Variants in PVT1 observed in about 807,000 individuals in gnomAD.
The protein encoded by PVT1 is CXCR4/PVT1 fusion.
chr8:127,868,541 C>T (rs1815310324), intron 2 of PVT1, among the ~76,000 whole-genome samples: 1 of 151,530 alleles, frequency 6.6e-6, no homozygotes, highest in African/African-American at 2.4e-5. Flanking sequence ...GTGCATGCCA[C>T]CACACCCAGC....
At chr8:127,847,455 C>A (rs1370430337) in intron 2 of PVT1, among the ~76,000 whole-genome samples, 2 of 152,184 alleles carry the variant, frequency 1.3e-5, no homozygotes, top group Non-Finnish European at 2.9e-5. Flanking sequence ...ACCTGGCCAT[C>A]TCATGTTGGG....
At chr8:128,063,553 G>GACAC (rs150359865) in intron 4 of PVT1, among the ~76,000 whole-genome samples, 12 of 151,052 alleles carry the variant, frequency 7.9e-5, no homozygotes, top group African/African-American at 2.7e-4. Context: ...GTGTGTGCCA[G>GACAC]ACACACACAC....
At chr8:128,045,015 C>T (rs1423225810) in intron 4 of PVT1, among the ~76,000 whole-genome samples, 1 of 152,216 alleles carries the variant, frequency 6.6e-6, no homozygotes, top group Non-Finnish European at 1.5e-5. Context: ...GTTGGGGCCA[C>T]TCTGGCCAGT....
At chr8:127,796,438 T>G in intron 2 of PVT1, among the ~76,000 whole-genome samples, 1 of 152,182 alleles carries the variant, frequency 6.6e-6, no homozygotes, top group East Asian at 1.9e-4. Flanking sequence ...TGGTGAATTC[T>G]CACTGCCCAC....
At chr8:128,083,701 A>G (rs1362592927) in intron 5 of PVT1, among the ~76,000 whole-genome samples, 1 of 152,208 alleles carries the variant, frequency 6.6e-6, no homozygotes, top group Non-Finnish European at 1.5e-5. Context: ...GACTCTCCTC[A>G]TACCTTTTTT....
chr8:127,911,155 T>C (rs1198198308), intron 3 of PVT1, among the ~76,000 whole-genome samples: 1 of 151,744 alleles, frequency 6.6e-6, no homozygotes, highest in Non-Finnish European at 1.5e-5. Flanking sequence ...TCAGAGGAGG[T>C]CAGACAGGTG....
chr8:127,880,305 C>T (rs4733801), intron 2 of PVT1, among the ~76,000 whole-genome samples: 104,165 of 151,518 alleles, frequency 0.69, 36,389 homozygotes, highest in East Asian at 0.84. Flanking sequence ...TTCCTTTTTT[C>T]TTTGAGACGG....
chr8:127,916,635 T>G (rs1815988755), intron 3 of PVT1, among the ~76,000 whole-genome samples: 1 of 152,186 alleles, frequency 6.6e-6, no homozygotes, highest in Non-Finnish European at 1.5e-5. Flanking sequence ...TAGGAATTAT[T>G]CCCGGAAGAT....
chr8:127,960,461 A>C (rs1191004337), intron 3 of PVT1, among the ~76,000 whole-genome samples: 1 of 152,126 alleles, frequency 6.6e-6, no homozygotes, highest in Non-Finnish European at 1.5e-5. Flanking sequence ...GCCCAGAATA[A>C]AAGGATCACC....
At chr8:127,836,906 A>G (rs184342327) in intron 2 of PVT1, among the ~76,000 whole-genome samples, 87 of 151,728 alleles carry the variant, frequency 5.7e-4, no homozygotes, top group African/African-American at 2.0e-3. Context: ...TCTGTTTTCA[A>G]ACTCCCCATT....
intron 2 of PVT1, among the ~76,000 whole-genome samples, chr8:127,808,000 C>T (rs1815339944): frequency 6.6e-6 from 1 of 151,858 alleles, no homozygotes; most frequent in African/African-American, 2.4e-5. Context: ...GATCTCCTGA[C>T]CTCATGAGCC....
intron 2 of PVT1, among the ~76,000 whole-genome samples, chr8:127,859,589 C>T (rs1417787053): frequency 2.0e-5 from 3 of 152,108 alleles, no homozygotes; most frequent in African/African-American, 7.2e-5. Context: ...ACTATTCACA[C>T]AGGTCTGACT....
intron 2 of PVT1, among the ~76,000 whole-genome samples, chr8:127,849,686 TGTACATATGTGTGTGTGTGCCCCTGC>T (rs1815082603): frequency 6.9e-6 from 1 of 145,312 alleles, no homozygotes; most frequent in African/African-American, 2.6e-5. Context: ...GTGCACAGCC[TGTACATATGTGTGTGTGTGCCCCTGC>T]GTGCACGTGC....
At chr8:128,041,377 G>A (rs1813536578) in intron 4 of PVT1, among the ~76,000 whole-genome samples, 1 of 149,272 alleles carries the variant, frequency 6.7e-6, no homozygotes, top group African/African-American at 2.5e-5. Flanking sequence ...TTGTGTTTGT[G>A]TGCATATGTG....
chr8:128,031,365 G>A (rs575809617), intron 4 of PVT1, among the ~76,000 whole-genome samples: 4 of 152,212 alleles, frequency 2.6e-5, no homozygotes, highest in Admixed American at 6.5e-5. Context: ...AAGTGAAAGC[G>A]ACCCAGGAAA....
intron 2 of PVT1, among the ~76,000 whole-genome samples, chr8:127,881,683 C>A (rs1815469340): frequency 6.6e-6 from 1 of 152,000 alleles, no homozygotes; most frequent in Admixed American, 6.6e-5. Context: ...TCTCGAACTT[C>A]TGACCTTAGG....
chr8:127,932,869 G>C (rs1206083164), intron 3 of PVT1, among the ~76,000 whole-genome samples: 1 of 152,042 alleles, frequency 6.6e-6, no homozygotes, highest in Non-Finnish European at 1.5e-5. Context: ...TGTTGTGCCA[G>C]GTCATCCTCA....
At chr8:127,889,880 T>C (rs1418570101) in intron 2 of PVT1, among the ~76,000 whole-genome samples, 1 of 152,166 alleles carries the variant, frequency 6.6e-6, no homozygotes, top group Non-Finnish European at 1.5e-5. Context: ...ATTGTTATCA[T>C]TGGGTGGATG....
chr8:128,064,348 A>G (rs2648883), intron 4 of PVT1, among the ~76,000 whole-genome samples: 18,558 of 152,266 alleles, frequency 0.12, 1,353 homozygotes, highest in East Asian at 0.29. Context: ...ACGTGGGCAG[A>G]AGCACATTTG....
Sources: gnomAD v4.1 joint callset for allele counts (sites outside exome capture counted in the v4.1 genomes callset) on GRCh38, gnomAD v4.1.1 for gene constraint, MANE v1.5 for transcripts, NCBI Gene and HGNC (gene_info 2026-07-23, HGNC 2026-07-21) for gene names.